STPG2: variants seen among roughly 807,000 people sequenced by gnomAD.
The protein encoded by STPG2 is sperm tail PG-rich repeat containing 2.
In STPG2, 56 loss-of-function variants were observed where a neutral mutation model predicts 54.2. That is an observed-to-expected ratio of 1.03 (90% CI 0.83 to 1.29). The LOEUF (loss-of-function observed/expected upper bound fraction) is 1.29. Ranked by LOEUF, STPG2 falls within the 50% of genes most tolerant of loss-of-function variation. The pLI, the probability that STPG2 is intolerant of heterozygous loss-of-function variation, is 0.00. For synonymous variants in STPG2, 200 were observed against 181.8 expected (o/e 1.10, Z -0.81); for missense variants, 596 against 544.9 (o/e 1.09, Z -0.93).
chr4:97,835,495 T>C (rs1019624858), intron 9 of STPG2, among the ~76,000 whole-genome samples: 3 of 152,098 alleles, frequency 2.0e-5, no homozygotes, highest in Non-Finnish European at 2.9e-5. Context: ...AAAATAAAAA[T>C]GTTACTACTT....
At chr4:97,804,054 A>G (rs768428658) in intron 9 of STPG2, among the ~76,000 whole-genome samples, 60 of 152,128 alleles carry the variant, frequency 3.9e-4, no homozygotes, top group Non-Finnish European at 1.6e-4. Flanking sequence ...ACACAATAAC[A>G]ATACTGATGC....
At chr4:98,053,661 A>C (rs1737397767) in intron 5 of STPG2, among the ~76,000 whole-genome samples, 1 of 152,150 alleles carries the variant, frequency 6.6e-6, no homozygotes, top group Non-Finnish European at 1.5e-5. Context: ...TTAGATGACC[A>C]ATAATTTTAT....
chr4:97,877,635 GC>G (rs1219209135), intron 8 of STPG2, among the ~76,000 whole-genome samples: 1 of 152,158 alleles, frequency 6.6e-6, no homozygotes, highest in African/African-American at 2.4e-5. Context: ...TGGGGAAACT[GC>G]CCCCATGATT....
chr4:97,881,226 CAG>C (rs1730359633), intron 8 of STPG2, among the ~76,000 whole-genome samples: 1 of 152,118 alleles, frequency 6.6e-6, no homozygotes, highest in Non-Finnish European at 1.5e-5. Flanking sequence ...CCTTCTCTAA[CAG>C]AGCTCATCTA....
At chr4:97,443,504 T>A (rs549952733) in intron 4 of STPG2, among the ~76,000 whole-genome samples, 1 of 152,238 alleles carries the variant, frequency 6.6e-6, no homozygotes, top group East Asian at 1.9e-4. Flanking sequence ...TTTGGCAGTT[T>A]CCCAGGATGG....
At chr4:97,474,851 C>A (rs1730032641) in intron 4 of STPG2, among the ~76,000 whole-genome samples, 1 of 151,974 alleles carries the variant, frequency 6.6e-6, no homozygotes, top group African/African-American at 2.4e-5. Context: ...TTGACCCATA[C>A]TTTTCTCTTA....
intron 10 of STPG2, among the ~76,000 whole-genome samples, chr4:97,686,820 T>C (rs1252012281): frequency 6.6e-6 from 1 of 152,050 alleles, no homozygotes; most frequent in East Asian, 1.9e-4. Context: ...TGGACTAATA[T>C]TTACTTTTTC....
chr4:97,586,157 T>G (rs1732992205), intron 10 of STPG2, among the ~76,000 whole-genome samples: 1 of 151,736 alleles, frequency 6.6e-6, no homozygotes. Context: ...CAAATGGAAA[T>G]TATAGAACCC....
At chr4:98,110,314 A>G (rs1739309827) in intron 3 of STPG2, among the ~76,000 whole-genome samples, 1 of 152,176 alleles carries the variant, frequency 6.6e-6, no homozygotes, top group African/African-American at 2.4e-5. Flanking sequence ...GGTGATCAGC[A>G]GCTTCCAGAT....
At chr4:98,001,946 A>C (rs564869185) in intron 5 of STPG2, among the ~76,000 whole-genome samples, 2 of 152,228 alleles carry the variant, frequency 1.3e-5, no homozygotes, top group South Asian at 4.1e-4. Flanking sequence ...AATATCTTAG[A>C]GTATAAGTAT....
At chr4:97,633,148 C>A (rs1721351695) in intron 10 of STPG2, among the ~76,000 whole-genome samples, 1 of 152,070 alleles carries the variant, frequency 6.6e-6, no homozygotes, top group African/African-American at 2.4e-5. Flanking sequence ...CATTTACATT[C>A]TTATAATAAT....
At chr4:97,930,028 AC>A (rs1399980112) in intron 8 of STPG2, among the ~76,000 whole-genome samples, 2 of 152,008 alleles carry the variant, frequency 1.3e-5, no homozygotes, top group Non-Finnish European at 2.9e-5. Flanking sequence ...GCCTCCCGAT[AC>A]CTGGGACTAC....
At chr4:97,804,963 C>G (rs1448692414) in intron 9 of STPG2, among the ~76,000 whole-genome samples, 22 of 152,122 alleles carry the variant, frequency 1.4e-4, no homozygotes. Flanking sequence ...TATATACCAT[C>G]TAGGTTTGTG....
chr4:98,032,837 A>G (rs192095698), intron 5 of STPG2, among the ~76,000 whole-genome samples: 3 of 152,334 alleles, frequency 2.0e-5, no homozygotes, highest in Admixed American at 2.0e-4. Flanking sequence ...CTGCTCCTGA[A>G]TGACTACTGG....
rs554425452 is a variant in STPG2, at chr4:97,617,086, G to T, written c.1321-57969C>A. On this transcript the variant is annotated intron_variant, in intron 10 of 10. Transcript: ENST00000295268. ...CTCTTGTAGCAGAAAATGAAGGCTA[G>T]AAAGAATTAGGTAAAATGTGGACAC... Among the ~76,000 whole-genome samples, 6 of 151,906 alleles carry T rather than the reference G, an allele frequency of 3.9e-5. No individual in the cohort carries two copies. The South Asian group carries it at 8.3e-4, about 21-fold the overall frequency.
chr4:97,936,366 C>T (rs557605254), intron 8 of STPG2, among the ~76,000 whole-genome samples: 6 of 152,202 alleles, frequency 3.9e-5, no homozygotes, highest in African/African-American at 1.4e-4. Flanking sequence ...GGGCATTTAG[C>T]CTATTTACAT....
At chr4:98,142,052 A>T (rs1322620977) in intron 1 of STPG2, among the ~76,000 whole-genome samples, 1 of 152,092 alleles carries the variant, frequency 6.6e-6, no homozygotes, top group Non-Finnish European at 1.5e-5. Flanking sequence ...AAAGTGTCAC[A>T]GGGGGTCATT....
chr4:97,967,185 CAA>C (rs58042990), intron 7 of STPG2, among the ~76,000 whole-genome samples: 2,600 of 107,200 alleles, frequency 0.024, 26 homozygotes, highest in Middle Eastern at 0.075. Flanking sequence ...AAATGGTAAG[CAA>C]AAAAAAAAAA....
chr4:97,694,812 C>CAAAAAAAAAAAAAAAAAAA lies in STPG2; in HGVS notation c.1320+17868_1320+17886dup, dbSNP rs70953083. Among the ~76,000 whole-genome samples the CAAAAAAAAAAAAAAAAAAA allele has an allele frequency of 1.1e-4, 5 of 44,032 alleles. 1 individual carries two copies. The highest frequency in any genetic ancestry group is 1.7e-4 in the Non-Finnish European group (4 of 23,454). The allele number at this position is 44,032 out of a possible 152,430, so 28.9% of individuals were successfully genotyped here. On this transcript the variant is annotated intron_variant, in intron 10 of 10. Transcript: ENST00000295268. ...TGGGTTACAGAGCAAGACTCTGTCA[C>CAAAAAAAAAAAAAAAAAAA]AAAAAAAAAAAAAAAAAAAAAAAAA...
Sources: allele counts gnomAD v4.1 joint callset (sites outside exome capture counted in the v4.1 genomes callset), GRCh38; gene constraint gnomAD v4.1.1; transcripts MANE v1.5; gene names NCBI Gene and HGNC (gene_info 2026-07-23, HGNC 2026-07-21).